Variants in PREX2 observed in about 807,000 individuals in gnomAD.
The protein encoded by PREX2 is phosphatidylinositol 3,4,5-trisphosphate-dependent Rac exchanger 2 protein.
Under a neutral mutation model 203.2 loss-of-function variants are expected in PREX2, and 107 were observed. That is an observed-to-expected ratio of 0.53 (90% CI 0.45 to 0.62). The LOEUF (loss-of-function observed/expected upper bound fraction) is 0.62. PREX2 is among the 20% of genes least tolerant of loss of function. The pLI is 0.00. For synonymous variants in PREX2, 672 were observed against 663.6 expected, an observed-to-expected ratio of 1.01 and a Z score of -0.19; for missense variants, 1,777 against 1,955.9, an observed-to-expected ratio of 0.91 and a Z score of 1.72.
intron 33 of PREX2, among the ~76,000 whole-genome samples, chr8:68,143,292 G>A (rs969582317): frequency 4.6e-5 from 7 of 152,006 alleles, no homozygotes; most frequent in African/African-American, 1.7e-4. Context: ...ATGATAATGA[G>A]TTCTCATGAG....
rs145075428 is a variant in PREX2, at chr8:68,013,395, A to G, written c.142-4451A>G. Among the ~76,000 whole-genome samples, 235 of 152,246 alleles carry G rather than the reference A, an allele frequency of 1.5e-3. 1 individual carries two copies. The highest frequency in any genetic ancestry group is 6.8e-3 in the Middle Eastern group (2 of 294). ...CCCTCCCTTAGAACCTCAGATTGGAATGGCTAACTCCCTGCTCATGATTTC... is the reference window on the plus strand; with the variant it reads ...CCCTCCCTTAGAACCTCAGATTGGAGTGGCTAACTCCCTGCTCATGATTTC... On this transcript the variant is annotated intron_variant, in intron 1 of 39. Coordinates refer to ENST00000288368, the MANE Select transcript of PREX2 (RefSeq NM_024870.4).
intron 35 of PREX2, among the ~76,000 whole-genome samples, chr8:68,164,607 A>T: frequency 7.3e-6 from 1 of 136,552 alleles, no homozygotes. Flanking sequence ...TTTGAGACAG[A>T]GTTTCACTCT....
intron 13 of PREX2, among the ~76,000 whole-genome samples, chr8:68,071,904 C>A (rs1396517978): frequency 1.3e-5 from 2 of 152,106 alleles, no homozygotes; most frequent in African/African-American, 4.8e-5. Flanking sequence ...AAAGGCATTT[C>A]TTTACTCTAC....
chr8:67,971,078 TA>T (rs1805913520), intron 1 of PREX2, among the ~76,000 whole-genome samples: 3 of 151,992 alleles, frequency 2.0e-5, no homozygotes, highest in African/African-American at 7.2e-5. Context: ...TAGAGTGGTA[TA>T]GGGGGTGATA....
chr8:68,069,506 A>G (rs540702397), intron 12 of PREX2, among the ~76,000 whole-genome samples: 6 of 141,684 alleles, frequency 4.2e-5, no homozygotes, highest in Non-Finnish European at 7.8e-5. Context: ...TATATGATGA[A>G]CAAGTATTAT....
At chr8:68,142,515 A>T (rs528228026) in intron 33 of PREX2, among the ~76,000 whole-genome samples, 1 of 152,294 alleles carries the variant, frequency 6.6e-6, no homozygotes, top group African/African-American at 2.4e-5. Context: ...GGCTGGATGT[A>T]CCACAGTTTA....
At chr8:68,199,550 A>T (rs34212941) in intron 37 of PREX2, among the ~76,000 whole-genome samples, 2,875 of 152,346 alleles carry the variant, frequency 0.019, 42 homozygotes, top group Middle Eastern at 0.041. Flanking sequence ...AGCCTTTGTT[A>T]AAAAAGTGAA....
intron 11 of PREX2, among the ~76,000 whole-genome samples, chr8:68,062,624 T>C (rs981838610): frequency 2.0e-5 from 3 of 152,236 alleles, no homozygotes; most frequent in Non-Finnish European, 4.4e-5. Context: ...CAGGAGCCTT[T>C]CTAAGTGGTA....
At chr8:68,082,170 G>A (rs1809551148) in intron 17 of PREX2, 1 of 152,146 alleles carries the variant, frequency 6.6e-6, no homozygotes. Context: ...CTACTTTTCA[G>A]TGCTGTAGCC....
At chr8:68,161,750 T>C (rs1811658266) in intron 35 of PREX2, among the ~76,000 whole-genome samples, 1 of 152,200 alleles carries the variant, frequency 6.6e-6, no homozygotes, top group Non-Finnish European at 1.5e-5. Flanking sequence ...GTATTTTCTT[T>C]ATATGTTCTG....
rs560826444 is a variant in PREX2 at position 68,059,002 on chromosome 8, T to C, written c.1239-1677T>C. 3.1e-4 allele frequency among the ~76,000 whole-genome samples: 47 copies of C among 152,330 alleles called. No homozygotes were observed. In the South Asian group the frequency reaches 9.5e-3, roughly 31 times the overall value. On this transcript the variant is annotated intron_variant, in intron 10 of 39. Transcript: ENST00000288368. ...AGAATAAAAAAAAATTAACAACTTT[T>C]TCTGCCTTAAAGTATTTTTGTAGTC...
rs1279030105 is a variant in PREX2, at chr8:68,093,477, T to A, written c.2251-128T>A. On this transcript the variant is annotated intron_variant, in intron 20 of 39. Transcript: ENST00000288368. ...GTTTTTATTAGTTTCTGATGTTAAT[T>A]GTATCTCTCTTTCAAATTTTACTAA... 2 of 529,842 alleles carry A rather than the reference T, an allele frequency of 3.8e-6. 1 individual carries two copies. Among genetic ancestry groups the A allele is most frequent in the African/African-American group, 3.8e-5 (2 of 51,966 alleles). The allele number at this position is 529,842 out of a possible 1,614,324, so 32.8% of individuals were successfully genotyped here. A position where few individuals can be genotyped will look rare whatever the true frequency, so the allele number is the denominator to read the frequency against.
chr8:68,210,899 C>T (rs1355293728), intron 37 of PREX2, among the ~76,000 whole-genome samples: 1 of 152,146 alleles, frequency 6.6e-6, no homozygotes, highest in Non-Finnish European at 1.5e-5. Context: ...TAGGTAAGAA[C>T]TGATATCTTA....
chr8:68,166,875 G>A (rs1811771892), intron 35 of PREX2, among the ~76,000 whole-genome samples: 1 of 152,032 alleles, frequency 6.6e-6, no homozygotes, highest in African/African-American at 2.4e-5. Flanking sequence ...GCCTTGAGCT[G>A]TGGAGGTCAA....
chr8:68,187,083 C>T (rs1466233669), intron 35 of PREX2, among the ~76,000 whole-genome samples: 1 of 150,232 alleles, frequency 6.7e-6, no homozygotes, highest in East Asian at 1.9e-4. Flanking sequence ...GTGCTCCATG[C>T]AACCAGCTGT....
At chr8:67,972,384 C>T (rs1805950049) in intron 1 of PREX2, among the ~76,000 whole-genome samples, 1 of 152,216 alleles carries the variant, frequency 6.6e-6, no homozygotes, top group Non-Finnish European at 1.5e-5. Context: ...AATCTCATTG[C>T]CTCTTGCAGC....
At chr8:68,169,079 G>T (rs1332948252) in intron 35 of PREX2, among the ~76,000 whole-genome samples, 1 of 152,128 alleles carries the variant, frequency 6.6e-6, no homozygotes, top group Non-Finnish European at 1.5e-5. Context: ...TATCCAGGGG[G>T]ATTACAGGTC....
At chr8:68,206,244 C>T (rs1812622829) in intron 37 of PREX2, among the ~76,000 whole-genome samples, 1 of 152,156 alleles carries the variant, frequency 6.6e-6, no homozygotes, top group African/African-American at 2.4e-5. Context: ...ATTTCTTTCT[C>T]ACAATGATGG....
chr8:68,202,749 A>G (rs1812532201), intron 37 of PREX2, among the ~76,000 whole-genome samples: 2 of 152,082 alleles, frequency 1.3e-5, no homozygotes, highest in South Asian at 4.2e-4. Flanking sequence ...AGAGAGACAG[A>G]GAGACGAAGA....
Sources: gnomAD v4.1 joint callset for allele counts (sites outside exome capture counted in the v4.1 genomes callset) on GRCh38, gnomAD v4.1.1 for gene constraint, MANE v1.5 for transcripts, NCBI Gene and HGNC (gene_info 2026-07-23, HGNC 2026-07-21) for gene names.